CADPS: variants seen among roughly 807,000 people sequenced by gnomAD.
CADPS encodes the protein calcium-dependent secretion activator 1.
Under a neutral mutation model 167.3 loss-of-function variants are expected in CADPS, and 57 were observed. The observed-to-expected ratio is 0.34, with a 90% confidence interval of 0.28 to 0.42. The LOEUF (loss-of-function observed/expected upper bound fraction) is 0.42, where lower values mean the gene tolerates loss of function less well. CADPS is among the 20% of genes least tolerant of loss of function. The pLI, the probability that CADPS is intolerant of heterozygous loss-of-function variation, is 1.00. For synonymous variants in CADPS, 676 were observed against 635.3 expected (o/e 1.06, Z -0.96); for missense variants, 1,414 against 1,738.1 (o/e 0.81, Z 3.32).
chr3:62,788,241 A>G (rs2092634763), intron 1 of CADPS, among the ~76,000 whole-genome samples: 1 of 152,192 alleles, frequency 6.6e-6, no homozygotes, highest in Admixed American at 6.5e-5. Flanking sequence ...AATGAAAAAT[A>G]AGAGGGTCTT....
In CADPS at chr3:62,445,686, T is replaced by A; in HGVS notation, c.3669+79A>T. On this transcript the variant is annotated intron_variant, in intron 27 of 29. Coordinates refer to ENST00000383710, the MANE Select transcript of CADPS (RefSeq NM_003716.4). ...ATTAATATGAGTAGCACTATCAAAA[T>A]TCTCATGAAAACAAAAAGTAAAAAT... The A allele has an allele frequency of 3.7e-6, 4 of 1,084,584 alleles. No homozygotes were observed. The South Asian group carries it at 5.0e-5, about 14-fold the overall frequency. The allele number at this position is 1,084,584 out of a possible 1,614,324, so 67.2% of individuals were successfully genotyped here.
chr3:62,820,510 T>C (rs1239599741), intron 1 of CADPS, among the ~76,000 whole-genome samples: 2 of 152,212 alleles, frequency 1.3e-5, no homozygotes, highest in Non-Finnish European at 2.9e-5. Flanking sequence ...TTATTATTTC[T>C]TAGGCTGGTT....
At chr3:62,748,341 T>A (rs2081966065) in intron 3 of CADPS, among the ~76,000 whole-genome samples, 2 of 17,866 alleles carry the variant, frequency 1.1e-4, no homozygotes, top group South Asian at 6.1e-3. Context: ...CGAGACTCCG[T>A]CTCAAAAAAA....
In CADPS at chr3:62,716,171, T is replaced by C. The variant is rs184646858; in HGVS notation, c.888+37270A>G. 1.5e-3 allele frequency among the ~76,000 whole-genome samples: 228 copies of C among 152,314 alleles called. 1 individual carries two copies. Among genetic ancestry groups the C allele is most frequent in the African/African-American group, 5.3e-3 (219 of 41,574 alleles). ...GCCTCTTGGGTTCAAGTGATTCTCG[T>C]GCATCAGCCTCCCAAGTAGCTGGGA... On this transcript the variant is annotated intron_variant, in intron 3 of 29. Coordinates refer to ENST00000383710, the MANE Select transcript of CADPS (RefSeq NM_003716.4).
intron 3 of CADPS, among the ~76,000 whole-genome samples, chr3:62,731,805 C>CAAAAAAAAAAAAAAAAAAAAAAAAAAT: frequency 3.7e-5 from 1 of 27,136 alleles, no homozygotes; most frequent in Non-Finnish European, 6.4e-5. Context: ...TGATCATATG[C>CAAAAAAAAAAAAAAAAAAAAAAAAAAT]AAAAAAAAAA....
chr3:62,749,597 T>C (rs551073316), intron 3 of CADPS, among the ~76,000 whole-genome samples: 25 of 152,342 alleles, frequency 1.6e-4, no homozygotes, highest in African/African-American at 4.8e-4. Flanking sequence ...TTCTTGCTAC[T>C]GTGAGTTGAT....
At chr3:62,694,021 C>G (rs1032771983) in intron 3 of CADPS, among the ~76,000 whole-genome samples, 1 of 151,952 alleles carries the variant, frequency 6.6e-6, no homozygotes, top group African/African-American at 2.4e-5. Context: ...GTCAATAAGC[C>G]TCTTTATCTG....
At chr3:62,530,663 T>C in intron 13 of CADPS, 1 of 1,287,786 alleles carries the variant, frequency 7.8e-7, no homozygotes, top group Non-Finnish European at 1.0e-6. Context: ...CCTTTTCAGC[T>C]CTTGATTTGC....
chr3:62,537,421 A>G lies in CADPS; in HGVS notation c.1967-840T>C, dbSNP rs188268240. Among the ~76,000 whole-genome samples the G allele has an allele frequency of 1.9e-4, 29 of 152,296 alleles. No individual in the cohort carries two copies. In the East Asian group the frequency reaches 5.4e-3, roughly 28 times the overall value. On this transcript the variant is annotated intron_variant, in intron 11 of 29. Coordinates refer to ENST00000383710, the MANE Select transcript of CADPS (RefSeq NM_003716.4). Reference sequence around the variant, plus strand: ...AAATACACTATACTCAACAGGCAAAATAACTCAGAGAATTCAACTCGTGTG... The same window carrying G: ...AAATACACTATACTCAACAGGCAAAGTAACTCAGAGAATTCAACTCGTGTG...
intron 3 of CADPS, among the ~76,000 whole-genome samples, chr3:62,742,917 C>A (rs1242828559): frequency 6.6e-6 from 1 of 152,082 alleles, no homozygotes; most frequent in Non-Finnish European, 1.5e-5. Flanking sequence ...CTATAAGGAA[C>A]TTAAACAAAT....
chr3:62,714,292 C>A (rs188584), intron 3 of CADPS, among the ~76,000 whole-genome samples: 35,258 of 152,090 alleles, frequency 0.23, 4,219 homozygotes, highest in South Asian at 0.34. Context: ...ATATACATTA[C>A]ATAACTTTGC....
chr3:62,851,601 C>A (rs2078603764), intron 1 of CADPS, among the ~76,000 whole-genome samples: 2 of 138,954 alleles, frequency 1.4e-5, no homozygotes, highest in African/African-American at 5.4e-5. Flanking sequence ...TGAATATTGG[C>A]CCCCACTCTC....
intron 1 of CADPS, among the ~76,000 whole-genome samples, chr3:62,854,115 C>T (rs1056962505): frequency 6.6e-6 from 1 of 152,096 alleles, no homozygotes. Context: ...TTGGAATGAA[C>T]TAAAATGCAG....
chr3:62,685,014 C>T (rs2077754903), intron 3 of CADPS, among the ~76,000 whole-genome samples: 1 of 137,158 alleles, frequency 7.3e-6, no homozygotes, highest in Non-Finnish European at 1.6e-5. Flanking sequence ...GAACTTATAG[C>T]TCACAATCAA....
At chr3:62,521,820 G>C (rs2151792192) in intron 13 of CADPS, among the ~76,000 whole-genome samples, 1 of 152,246 alleles carries the variant, frequency 6.6e-6, no homozygotes, top group Admixed American at 6.5e-5. Flanking sequence ...GGTAAATCGA[G>C]GTGCCTATTC....
Position 62,874,567 on chromosome 3 carries a change from T to G in CADPS, c.441+22A>C. The G allele has an allele frequency of 1.3e-6, 2 of 1,533,372 alleles. No homozygotes were observed. The highest frequency in any genetic ancestry group is 1.8e-6 in the Non-Finnish European group (2 of 1,135,500). The allele number at this position is 1,533,372 out of a possible 1,614,324, so 95.0% of individuals were successfully genotyped here. ...CTGGCGACGTCCGGGTGCTGCTCCC[T>G]GGGCCTCCCAGGCGCACCTACCTTC... On this transcript the variant is annotated intron_variant, in intron 1 of 29. Transcript: ENST00000383710. This position sits in a 1 kb window ranked among gnomAD's most constrained non-coding sequence, Gnocchi z 7.1.
intron 3 of CADPS, among the ~76,000 whole-genome samples, chr3:62,701,632 A>G (rs1331127858): frequency 6.6e-6 from 1 of 151,590 alleles, no homozygotes; most frequent in Non-Finnish European, 1.5e-5. Context: ...AGAAAGAAAG[A>G]AAGGAAAAGA....
chr3:62,481,552 A>T (rs1393859523), intron 22 of CADPS, among the ~76,000 whole-genome samples, 171 bp downstream of exon 22: 1 of 152,244 alleles, frequency 6.6e-6, no homozygotes, highest in African/African-American at 2.4e-5. Flanking sequence ...CAAACATCTT[A>T]CAAACATGAT....
intron 17 of CADPS, among the ~76,000 whole-genome samples, chr3:62,510,893 G>C (rs1021710335): frequency 1.3e-5 from 2 of 152,118 alleles, no homozygotes; most frequent in African/African-American, 4.8e-5. Context: ...TTATGATTAA[G>C]ATTGCAATTG....
Sources: allele counts gnomAD v4.1 joint callset (sites outside exome capture counted in the v4.1 genomes callset), GRCh38; gene constraint gnomAD v4.1.1; non-coding constraint Gnocchi (gnomAD v3.1); transcripts MANE v1.5; gene names NCBI Gene and HGNC (gene_info 2026-07-23, HGNC 2026-07-21).